BCL2L13: variants seen among roughly 807,000 people sequenced by gnomAD.
The protein encoded by BCL2L13 is bcl-2-like protein 13.
Under a neutral mutation model 25.8 loss-of-function variants are expected in BCL2L13, and 13 were observed. That is an observed-to-expected ratio of 0.50 (90% confidence interval 0.33 to 0.80). The LOEUF (loss-of-function observed/expected upper bound fraction) is 0.80. Among genes scored for constraint, BCL2L13 ranks in the 30% least tolerant of loss-of-function variants. The pLI, the probability that BCL2L13 is intolerant of heterozygous loss-of-function variation, is 0.02. For synonymous variants in BCL2L13, 244 were observed against 230.3 expected, an observed-to-expected ratio of 1.06 and a Z score of -0.54; for missense variants, 504 against 574.9, an observed-to-expected ratio of 0.88 and a Z score of 1.26.
chr22:17,666,220 T>TTTTTTA (rs2059227713), intron 2 of BCL2L13, among the ~76,000 whole-genome samples: 2 of 113,992 alleles, frequency 1.8e-5, no homozygotes, highest in African/African-American at 7.6e-5. Context: ...TTTATTTTTT[T>TTTTTTA]AAATTTTTTG....
intron 2 of BCL2L13, among the ~76,000 whole-genome samples, chr22:17,660,879 G>A (rs1417684424): frequency 6.9e-6 from 1 of 145,874 alleles, no homozygotes; most frequent in Non-Finnish European, 1.6e-5. Context: ...CCACCTCCTG[G>A]GTTCAAGCAA....
At chr22:17,711,758 C>A (rs1490898626) in intron 6 of BCL2L13, among the ~76,000 whole-genome samples, 2 of 152,168 alleles carry the variant, frequency 1.3e-5, no homozygotes, top group Non-Finnish European at 2.9e-5. Flanking sequence ...TTTAGAAGTG[C>A]AGGTAAGTAA....
chr22:17,718,877 G>A lies in BCL2L13; in HGVS notation c.601-7800G>A, dbSNP rs1414070377. ...AGTCTTATTTAAGAATTAAAAACGC[G>A]GTCAGGTGTGGTGGCTCATGCCTGT... On this transcript the variant is annotated intron_variant, in intron 6 of 6. Transcript: ENST00000317582. Among the ~76,000 whole-genome samples the A allele has an allele frequency of 4.6e-5, 7 of 151,890 alleles. No homozygotes were observed. In the East Asian group the frequency reaches 1.3e-3, roughly 29 times the overall value.
chr22:17,630,237 A>C (rs962425087), intron 1 of BCL2L13, among the ~76,000 whole-genome samples: 23 of 151,806 alleles, frequency 1.5e-4, no homozygotes, highest in East Asian at 1.9e-4. Context: ...AAAAAAAAAA[A>C]AACAAATTCC....
chr22:17,688,235 G>A (rs951224649), intron 3 of BCL2L13, among the ~76,000 whole-genome samples: 9 of 152,228 alleles, frequency 5.9e-5, no homozygotes, highest in South Asian at 4.1e-4. Flanking sequence ...GGGATTACAG[G>A]CATGAGTCAC....
chr22:17,706,656 A>G, intron 6 of BCL2L13: 9 of 1,284,344 alleles, frequency 7.0e-6, no homozygotes, highest in Non-Finnish European at 9.1e-6. Flanking sequence ...TTCAGTTTTG[A>G]CTTTTATTTG....
intron 5 of BCL2L13, among the ~76,000 whole-genome samples, chr22:17,697,270 C>T (rs546646530): frequency 9.2e-5 from 14 of 152,068 alleles, no homozygotes; most frequent in Non-Finnish European, 1.9e-4. Context: ...GAATCGCCGT[C>T]TCTACTAAAA....
chr22:17,660,668 G>T (rs377546049), intron 2 of BCL2L13, among the ~76,000 whole-genome samples: 1 of 145,586 alleles, frequency 6.9e-6, no homozygotes, highest in South Asian at 2.2e-4. Flanking sequence ...CAAGTGATCC[G>T]CTCACCTTGG....
At chr22:17,640,922 G>C (rs1022948285) in intron 1 of BCL2L13, among the ~76,000 whole-genome samples, 1 of 148,414 alleles carries the variant, frequency 6.7e-6, no homozygotes, top group East Asian at 2.0e-4. Context: ...GCGGAGTGTC[G>C]CTCTGTCGCC....
intron 6 of BCL2L13, among the ~76,000 whole-genome samples, chr22:17,721,315 C>T (rs975346457): frequency 6.6e-6 from 1 of 152,110 alleles, no homozygotes; most frequent in Admixed American, 6.6e-5. Flanking sequence ...ATCTCATGTT[C>T]CCAGGAAGTA....
intron 1 of BCL2L13, among the ~76,000 whole-genome samples, chr22:17,641,864 A>G (rs1177088657): frequency 6.9e-6 from 1 of 144,078 alleles, no homozygotes; most frequent in Non-Finnish European, 1.5e-5. Context: ...CAGTGGTGCC[A>G]TCTCGACTCA....
chr22:17,697,673 C>T (rs2060304244), intron 5 of BCL2L13, among the ~76,000 whole-genome samples: 1 of 152,136 alleles, frequency 6.6e-6, no homozygotes, highest in African/African-American at 2.4e-5. Flanking sequence ...TTAGCTTTAA[C>T]ACATGGGACC....
intron 2 of BCL2L13, among the ~76,000 whole-genome samples, chr22:17,670,538 C>G (rs1182089878): frequency 6.6e-6 from 1 of 151,958 alleles, no homozygotes; most frequent in Non-Finnish European, 1.5e-5. Flanking sequence ...TCATGCCTGG[C>G]TTATTTTGTG....
In BCL2L13 at chr22:17,683,329, T is replaced by A; in HGVS notation, c.229+8T>A. On this transcript the variant is annotated splice_region_variant and intron_variant, in intron 3 of 6. Transcript: ENST00000317582. ...ACAAAGAAATTTCTGAAGGTCTGTT[T>A]ATTCTTATTTTTCTAGTTAATAAGC... 3 of 1,457,202 alleles carry A rather than the reference T, an allele frequency of 2.1e-6. No individual in the cohort carries two copies. Among genetic ancestry groups the A allele is most frequent in the Non-Finnish European group, 2.8e-6 (3 of 1,059,562 alleles). The allele number at this position is 1,457,202 out of a possible 1,614,324, so 90.3% of individuals were successfully genotyped here.
intron 6 of BCL2L13, among the ~76,000 whole-genome samples, chr22:17,725,305 CCTT>C (rs2061265397): frequency 6.6e-6 from 1 of 152,152 alleles, no homozygotes; most frequent in Non-Finnish European, 1.5e-5. Flanking sequence ...TCCTCACTGA[CCTT>C]CTATTCTTCA....
At chr22:17,682,383 A>T (rs1339767447) in intron 2 of BCL2L13, among the ~76,000 whole-genome samples, 1 of 152,310 alleles carries the variant, frequency 6.6e-6, no homozygotes, top group South Asian at 2.1e-4. Flanking sequence ...AGAAAATTAC[A>T]AAGCATGTAT....
At chr22:17,655,887 TA>T (rs1217099437) in intron 2 of BCL2L13, 55 bp downstream of exon 2, 7 of 1,482,294 alleles carry the variant, frequency 4.7e-6, no homozygotes, top group African/African-American at 1.4e-5. Context: ...ACTTTATATA[TA>T]AAAGTATATG....
At chr22:17,683,691 A>G (rs1221383256) in intron 3 of BCL2L13, among the ~76,000 whole-genome samples, 1 of 152,012 alleles carries the variant, frequency 6.6e-6, no homozygotes, top group African/African-American at 2.4e-5. Context: ...TTTTGCATAC[A>G]TATATACTAT....
intron 2 of BCL2L13, among the ~76,000 whole-genome samples, chr22:17,662,216 C>T (rs948148281): frequency 2.3e-4 from 35 of 152,254 alleles, no homozygotes; most frequent in Non-Finnish European, 3.7e-4. Context: ...TGGTGGCTCA[C>T]GCCTGTAATC....
Sources: gnomAD v4.1 joint callset for allele counts (sites outside exome capture counted in the v4.1 genomes callset) on GRCh38, gnomAD v4.1.1 for gene constraint, MANE v1.5 for transcripts, NCBI Gene and HGNC (gene_info 2026-07-23, HGNC 2026-07-21) for gene names.